The following CPNE5 variants were observed in gnomAD, a reference collection of about 807,000 sequenced individuals.
CPNE5 encodes copine-5.
A neutral mutation model predicts 81.1 loss-of-function variants in CPNE5; 42 were observed. The observed-to-expected ratio is 0.52, with a 90% confidence interval of 0.40 to 0.67. The LOEUF is 0.67. CPNE5 is among the 30% of genes least tolerant of loss of function. The probability of loss-of-function intolerance (pLI) is 0.00; values close to 1 mark genes in which losing one functional copy is unlikely to be tolerated. For synonymous variants in CPNE5, 313 were observed against 321.5 expected (o/e 0.97, Z 0.28); for missense variants, 612 against 815.5 (o/e 0.75, Z 3.04).
chr6:36,828,233 T>A (rs1218612813), intron 1 of CPNE5, among the ~76,000 whole-genome samples: 2 of 142,074 alleles, frequency 1.4e-5, no homozygotes, highest in Non-Finnish European at 3.0e-5. Flanking sequence ...GGAGGGAGGA[T>A]CACTTGAGCT....
At chr6:36,757,204 T>G (rs576018685) in intron 12 of CPNE5, 2 of 452,916 alleles carry the variant, frequency 4.4e-6, no homozygotes, top group South Asian at 1.9e-4. Context: ...CCAGTTTTTC[T>G]TTGTTTTGTT....
intron 1 of CPNE5, among the ~76,000 whole-genome samples, chr6:36,834,959 G>A (rs943670765): frequency 7.2e-5 from 11 of 151,912 alleles, no homozygotes; most frequent in African/African-American, 1.9e-4. Flanking sequence ...CTCCTGAGCC[G>A]GGCTGCCTCT....
rs1366425400 is a variant in CPNE5 at position 36,836,579 on chromosome 6, C to A, written c.95+2704G>T. 2.6e-5 allele frequency among the ~76,000 whole-genome samples: 4 copies of A among 152,198 alleles called. No homozygotes were observed. In the East Asian group the frequency reaches 5.8e-4, roughly 22 times the overall value. On this transcript the variant is annotated intron_variant, in intron 1 of 20. Coordinates refer to ENST00000244751, the MANE Select transcript of CPNE5 (RefSeq NM_020939.2). ...GTTCTGGGCCCACCAGCAGGTGTCA[C>A]TCAGATGCCCAGGGCAGAGCCTCCC... is the stretch of plus-strand genomic sequence containing the variant.
chr6:36,790,582 C>A (rs1768994547), intron 8 of CPNE5, among the ~76,000 whole-genome samples: 1 of 152,172 alleles, frequency 6.6e-6, no homozygotes, highest in Non-Finnish European at 1.5e-5. Context: ...TGTTGTTTTT[C>A]AAAATATGTC....
At chr6:36,814,804 A>C (rs72856461) in intron 3 of CPNE5, among the ~76,000 whole-genome samples, 23,909 of 152,136 alleles carry the variant, frequency 0.16, 2,410 homozygotes, top group East Asian at 0.26. Flanking sequence ...GGGGCCAATA[A>C]TAATAATAAT....
At chr6:36,839,808 G>A (rs1317465868), upstream of CPNE5, 1 of 153,996 alleles carries the variant, frequency 6.5e-6, no homozygotes, top group African/African-American at 2.4e-5. This position sits in a 1 kb window ranked among gnomAD's most constrained non-coding sequence, Gnocchi z 7.3. Context: ...TGAGGAGCGG[G>A]AGGCGCCGGA....
chr6:36,808,430 C>T (rs1259304190), intron 3 of CPNE5, among the ~76,000 whole-genome samples: 1 of 152,138 alleles, frequency 6.6e-6, no homozygotes, highest in Admixed American at 6.5e-5. Context: ...CCCCTTCTTC[C>T]TCCTCATCAC....
Position 36,794,663 on chromosome 6 carries a change from G to C in CPNE5, c.405-14C>G, listed in dbSNP as rs756260561. The C allele has an allele frequency of 4.3e-6, 7 of 1,613,266 alleles. No homozygotes were observed. Among genetic ancestry groups the C allele is most frequent in the Middle Eastern group, 1.6e-4 (1 of 6,062 alleles). On this transcript the variant is annotated splice_polypyrimidine_tract_variant and intron_variant, in intron 6 of 20. Transcript: ENST00000244751. Reference sequence around the variant, plus strand: ...AATGCGCCTATCCTGTGGAGAGAGAGGGGGAGAGAGAGCATGCCATGAGCT... The same window carrying C: ...AATGCGCCTATCCTGTGGAGAGAGACGGGGAGAGAGAGCATGCCATGAGCT...
At chr6:36,772,078 T>C (rs1207636948) in intron 10 of CPNE5, among the ~76,000 whole-genome samples, 1 of 152,030 alleles carries the variant, frequency 6.6e-6, no homozygotes, top group African/African-American at 2.4e-5. Context: ...CTGCTGCCCC[T>C]TTCACTGTCC....
At chr6:36,814,447 CTG>C (rs761731427) in intron 3 of CPNE5, among the ~76,000 whole-genome samples, 1 of 152,180 alleles carries the variant, frequency 6.6e-6, no homozygotes, top group Non-Finnish European at 1.5e-5. Context: ...ATTGCCAACT[CTG>C]AGGTAGGGAA....
intron 12 of CPNE5, among the ~76,000 whole-genome samples, chr6:36,761,891 G>T (rs1471840634): frequency 6.6e-6 from 1 of 152,120 alleles, no homozygotes; most frequent in Admixed American, 6.5e-5. Flanking sequence ...GACAAGAGTG[G>T]CTGGGAAGAC....
At chr6:36,770,239 G>C (rs1766936026) in intron 10 of CPNE5, among the ~76,000 whole-genome samples, 1 of 152,216 alleles carries the variant, frequency 6.6e-6, no homozygotes, top group African/African-American at 2.4e-5. Flanking sequence ...CTCCAGGCCA[G>C]AGGGCCAGGC....
intron 3 of CPNE5, among the ~76,000 whole-genome samples, chr6:36,802,554 A>G (rs1770218539): frequency 6.6e-6 from 1 of 152,174 alleles, no homozygotes; most frequent in African/African-American, 2.4e-5. Context: ...AAGTAGTAAG[A>G]CAGGCAGGTG....
At chr6:36,747,357 A>G (rs1160159718) in intron 15 of CPNE5, among the ~76,000 whole-genome samples, 2 of 152,088 alleles carry the variant, frequency 1.3e-5, no homozygotes, top group Non-Finnish European at 2.9e-5. Context: ...AATCCTGTCT[A>G]CCTCCTGCTA....
At chr6:36,765,681 A>G (rs1015325272) in intron 10 of CPNE5, among the ~76,000 whole-genome samples, 7 of 152,242 alleles carry the variant, frequency 4.6e-5, no homozygotes, top group African/African-American at 1.7e-4. Flanking sequence ...GAAGGGGCAT[A>G]AGCTCAGCAT....
intron 1 of CPNE5, among the ~76,000 whole-genome samples, chr6:36,830,890 A>G (rs1772933048): frequency 6.6e-6 from 1 of 152,012 alleles, no homozygotes; most frequent in Admixed American, 6.6e-5. Flanking sequence ...ACTTCAAAAT[A>G]TATCCCAGAT....
At chr6:36,780,875 C>G (rs1179411641) in intron 8 of CPNE5, among the ~76,000 whole-genome samples, 2 of 152,140 alleles carry the variant, frequency 1.3e-5, no homozygotes, top group Admixed American at 1.3e-4. Flanking sequence ...AATGAGGAAG[C>G]TGGAGGTTGG....
At chr6:36,767,850 G>A (rs1368031405) in intron 10 of CPNE5, among the ~76,000 whole-genome samples, 1 of 152,214 alleles carries the variant, frequency 6.6e-6, no homozygotes, top group East Asian at 1.9e-4. Flanking sequence ...TTCTCTAGAA[G>A]ACAGCACTAG....
intron 7 of CPNE5, among the ~76,000 whole-genome samples, chr6:36,793,929 G>A (rs547659161): frequency 1.6e-3 from 246 of 152,350 alleles, no homozygotes; most frequent in Middle Eastern, 3.4e-3. Context: ...GCGAGTGGGC[G>A]TGAGAAAGAA....
Sources: gnomAD v4.1 joint callset for allele counts (sites outside exome capture counted in the v4.1 genomes callset) on GRCh38, gnomAD v4.1.1 for gene constraint, Gnocchi (gnomAD v3.1) non-coding constraint, MANE v1.5 for transcripts, NCBI Gene and HGNC (gene_info 2026-07-23, HGNC 2026-07-21) for gene names.